Variants in RBMS3 observed in about 807,000 individuals in gnomAD.
RBMS3 encodes RNA binding motif single stranded interacting protein 3.
A neutral mutation model predicts 66.8 loss-of-function variants in RBMS3; 27 were observed. The observed-to-expected ratio is 0.40, with a 90% confidence interval of 0.30 to 0.56. The LOEUF is 0.56. Among genes scored for constraint, RBMS3 ranks in the 20% least tolerant of loss-of-function variants. The probability of loss-of-function intolerance (pLI) is 0.40; values close to 1 mark genes in which losing one functional copy is unlikely to be tolerated. For missense variants in RBMS3, 513 were observed against 549.5 expected (o/e 0.93, Z 0.66); for synonymous variants, 188 against 183.0 (o/e 1.03, Z -0.22).
chr3:29,574,480 G>A lies in RBMS3; in HGVS notation c.308-12634G>A, dbSNP rs1043679949. On this transcript the variant is annotated intron_variant, in intron 3 of 14. Transcript: ENST00000383767. ...TATACGTGACGTGGGTTTCTTGTAG[G>A]CAACAGATTATGGAATCTTATTTTT... 3.9e-5 allele frequency among the ~76,000 whole-genome samples: 6 copies of A among 151,976 alleles called. No individual in the cohort carries two copies. The South Asian group carries it at 6.2e-4, about 16-fold the overall frequency.
rs1446103811 is a variant in RBMS3, at chr3:29,575,010, C to T, written c.308-12104C>T. The stretch of plus-strand genomic sequence containing the variant: ...ATTGGTTCATCATTTAGTCTTTCCA[C>T]TTAAGAGTAGTTTACACACCACAAT... On this transcript the variant is annotated intron_variant, in intron 3 of 14. Coordinates refer to ENST00000383767, the MANE Select transcript of RBMS3 (RefSeq NM_001003793.3). Among the ~76,000 whole-genome samples the T allele has an allele frequency of 4.6e-5, 7 of 152,242 alleles. No homozygotes were observed. The East Asian group carries it at 1.3e-3, about 29-fold the overall frequency.
intron 1 of RBMS3, among the ~76,000 whole-genome samples, chr3:29,306,491 T>C (rs1024066987): frequency 6.6e-6 from 1 of 151,978 alleles, no homozygotes; most frequent in African/African-American, 2.4e-5. Context: ...AAGAATCAAT[T>C]AGTGCCACTT....
intron 6 of RBMS3, among the ~76,000 whole-genome samples, chr3:29,764,390 T>C (rs1381213520): frequency 6.6e-6 from 1 of 152,046 alleles, no homozygotes; most frequent in Non-Finnish European, 1.5e-5. Context: ...TACTTTTTTT[T>C]TTTTTGTATA....
chr3:29,434,841 G>A lies in RBMS3; in HGVS notation c.174G>A (p.Leu58=). 2 of 1,614,130 alleles carry A rather than the reference G, an allele frequency of 1.2e-6. No individual in the cohort carries two copies. Among genetic ancestry groups the A allele is most frequent in the Non-Finnish European group, 1.7e-6 (2 of 1,180,014 alleles). The change falls in exon 2 of 15, where the codon TTG becomes TTA. Residue 58 remains leucine (L), a synonymous_variant. Coordinates refer to ENST00000383767, the MANE Select transcript of RBMS3 (RefSeq NM_001003793.3). ...GCAACAACAGCAGCGGGGAACAGTT[G>A]AGTAAAACCAACCTGTACATTCGAG... is the stretch of plus-strand genomic sequence containing the variant. The part of the protein sequence containing the change: ...NSSNNSSGEQ[L]SKTNLYIRGL...
chr3:29,812,072 C>T (rs1241912342), intron 6 of RBMS3, among the ~76,000 whole-genome samples: 1 of 152,038 alleles, frequency 6.6e-6, no homozygotes, highest in African/African-American at 2.4e-5. Flanking sequence ...AGTGGGACTT[C>T]TTAAAGTGGG....
At chr3:29,856,459 A>G (rs1327273666) in intron 6 of RBMS3, among the ~76,000 whole-genome samples, 2 of 152,176 alleles carry the variant, frequency 1.3e-5, no homozygotes, top group East Asian at 3.9e-4. Flanking sequence ...ACACATTTAG[A>G]TCATGACATT....
Position 29,776,447 on chromosome 3 carries a change from A to G in RBMS3, c.637+13458A>G, listed in dbSNP as rs574661304. Among the ~76,000 whole-genome samples, 17 of 152,088 alleles carry G rather than the reference A, an allele frequency of 1.1e-4. No homozygotes were observed. In the South Asian group the frequency reaches 3.3e-3, roughly 30 times the overall value. ...TATCTCCTAATGCTATCCCTCCAAC[A>G]TGGTACATGTATACATATGTAACAA... On this transcript the variant is annotated intron_variant, in intron 6 of 14. Transcript: ENST00000383767.
chr3:29,704,738 A>G (rs983941657), intron 4 of RBMS3, among the ~76,000 whole-genome samples: 1 of 152,224 alleles, frequency 6.6e-6, no homozygotes, highest in Non-Finnish European at 1.5e-5. Context: ...TTGATTTCAG[A>G]CTTTCTGATT....
intron 14 of RBMS3, among the ~76,000 whole-genome samples, chr3:29,995,783 G>A (rs1219329111): frequency 6.6e-6 from 1 of 152,146 alleles, no homozygotes; most frequent in African/African-American, 2.4e-5. Flanking sequence ...AACATGGAAA[G>A]GAACAACCGG....
At chr3:30,000,601 G>C (rs1189639719) in intron 14 of RBMS3, among the ~76,000 whole-genome samples, 2 of 152,160 alleles carry the variant, frequency 1.3e-5, no homozygotes, top group South Asian at 4.1e-4. Context: ...AATGTTTACT[G>C]TGGCACTGTT....
chr3:29,976,104 C>T (rs12494909), intron 12 of RBMS3, among the ~76,000 whole-genome samples: 12,106 of 151,582 alleles, frequency 0.08, 836 homozygotes, highest in South Asian at 0.19. Flanking sequence ...ATTTAATTTT[C>T]ATTTTAATTT....
chr3:29,575,675 G>A (rs898483163), intron 3 of RBMS3, among the ~76,000 whole-genome samples: 1 of 151,956 alleles, frequency 6.6e-6, no homozygotes, highest in Non-Finnish European at 1.5e-5. Context: ...GATCTTGTCA[G>A]CATGCTTCAT....
intron 1 of RBMS3, among the ~76,000 whole-genome samples, chr3:29,307,401 G>T (rs1177524328): frequency 1.3e-5 from 2 of 151,904 alleles, no homozygotes; most frequent in Admixed American, 6.6e-5. Flanking sequence ...TAAGCATGTG[G>T]TTCTCTATTT....
intron 1 of RBMS3, among the ~76,000 whole-genome samples, chr3:29,355,753 T>TC (rs1040449353): frequency 6.6e-6 from 1 of 151,900 alleles, no homozygotes; most frequent in Non-Finnish European, 1.5e-5. Flanking sequence ...TTCCTTTTTT[T>TC]CCCCCACAAA....
chr3:29,946,389 T>C (rs1334071856), intron 12 of RBMS3, among the ~76,000 whole-genome samples: 1 of 151,658 alleles, frequency 6.6e-6, no homozygotes, highest in Non-Finnish European at 1.5e-5. Context: ...GTAGTCGAGA[T>C]ATCTGCTTGA....
intron 2 of RBMS3, among the ~76,000 whole-genome samples, chr3:29,469,991 TTA>T (rs1176114121): frequency 6.8e-6 from 1 of 147,762 alleles, no homozygotes; most frequent in Non-Finnish European, 1.5e-5. Context: ...ATAACCTATA[TTA>T]TATAAAATTA....
At chr3:29,549,059 G>GTTTTTT (rs5847579) in intron 3 of RBMS3, among the ~76,000 whole-genome samples, 5 of 85,340 alleles carry the variant, frequency 5.9e-5, no homozygotes, top group Admixed American at 1.3e-4. Context: ...TCCTACTTCT[G>GTTTTTT]TTTTTTTTTT....
chr3:29,346,364 T>C (rs2036574278), intron 1 of RBMS3, among the ~76,000 whole-genome samples: 1 of 151,974 alleles, frequency 6.6e-6, no homozygotes, highest in Non-Finnish European at 1.5e-5. Flanking sequence ...TTATTTCTGT[T>C]TTATTGTGAA....
chr3:29,959,286 T>G (rs1434760032), intron 12 of RBMS3, among the ~76,000 whole-genome samples: 1 of 148,730 alleles, frequency 6.7e-6, no homozygotes, highest in Non-Finnish European at 1.5e-5. Flanking sequence ...ATTCCAAGCT[T>G]TTGACTTAGC....
Sources: allele counts gnomAD v4.1 joint callset (sites outside exome capture counted in the v4.1 genomes callset), GRCh38; gene constraint gnomAD v4.1.1; transcripts MANE v1.5; gene names NCBI Gene and HGNC (gene_info 2026-07-23, HGNC 2026-07-21).